Variants in TRPC1 observed in about 807,000 individuals in gnomAD.
The protein encoded by TRPC1 is transient receptor potential cation channel subfamily C member 1, also known as short transient receptor potential channel 1.
A neutral mutation model predicts 88.2 loss-of-function variants in TRPC1; 42 were observed. That is an observed-to-expected ratio of 0.48 (90% CI 0.37 to 0.62). The LOEUF (loss-of-function observed/expected upper bound fraction) is 0.62, where lower values mean the gene tolerates loss of function less well. TRPC1 is among the 20% of genes least tolerant of loss of function. The pLI is 0.00. For synonymous variants in TRPC1, 288 were observed against 331.8 expected (o/e 0.87, Z 1.43); for missense variants, 699 against 957.3 (o/e 0.73, Z 3.56).
At chr3:142,739,401 G>C (rs773493695) in intron 2 of TRPC1, among the ~76,000 whole-genome samples, 6 of 152,140 alleles carry the variant, frequency 3.9e-5, no homozygotes, top group Non-Finnish European at 7.4e-5. Context: ...CAGAATCTAT[G>C]GTCTTACCTA....
chr3:142,754,414 A>T (rs1263608509), intron 4 of TRPC1, among the ~76,000 whole-genome samples: 1 of 152,194 alleles, frequency 6.6e-6, no homozygotes, highest in Non-Finnish European at 1.5e-5. Flanking sequence ...ATTTGCATAA[A>T]GTATAATAAA....
intron 7 of TRPC1, among the ~76,000 whole-genome samples, chr3:142,789,567 C>T (rs1221461814): frequency 2.0e-5 from 3 of 152,128 alleles, no homozygotes; most frequent in East Asian, 1.9e-4. Context: ...ATTTTGCCTA[C>T]TGATAAGCCA....
intron 4 of TRPC1, among the ~76,000 whole-genome samples, chr3:142,761,152 C>T (rs772910551): frequency 1.3e-5 from 2 of 152,070 alleles, no homozygotes; most frequent in Non-Finnish European, 2.9e-5. Context: ...AAGTGGGCAT[C>T]ATCATCTTGT....
intron 4 of TRPC1, among the ~76,000 whole-genome samples, chr3:142,765,832 A>G (rs1381783533): frequency 6.6e-6 from 1 of 152,200 alleles, no homozygotes; most frequent in East Asian, 1.9e-4. Context: ...GCATCTGACA[A>G]AGACCTAATA....
At chr3:142,759,666 T>C (rs149930933) in intron 4 of TRPC1, among the ~76,000 whole-genome samples, 10,201 of 152,252 alleles carry the variant, frequency 0.067, 1,100 homozygotes, top group African/African-American at 0.23. Flanking sequence ...TTTCTTTTGC[T>C]GTGCAGAAGC....
At chr3:142,735,302 T>TA (rs2108018667) in intron 1 of TRPC1, among the ~76,000 whole-genome samples, 1 of 152,348 alleles carries the variant, frequency 6.6e-6, no homozygotes, top group African/African-American at 2.4e-5. Flanking sequence ...ACTCACTTAT[T>TA]TAGCCCAGTT....
At chr3:142,794,257 A>AT (rs1320200455) in intron 9 of TRPC1, among the ~76,000 whole-genome samples, 162 of 150,152 alleles carry the variant, frequency 1.1e-3, no homozygotes, top group African/African-American at 3.5e-3. Context: ...ATGCACATTG[A>AT]TTTTTTTTTA....
At chr3:142,796,077 C>G (rs1287817545) in intron 9 of TRPC1, among the ~76,000 whole-genome samples, 1 of 152,004 alleles carries the variant, frequency 6.6e-6, no homozygotes, top group Non-Finnish European at 1.5e-5. Context: ...TCATTTAATC[C>G]TCACAACCAT....
At chr3:142,805,361 A>G (rs1936764395) in intron 12 of TRPC1, among the ~76,000 whole-genome samples, 1 of 152,162 alleles carries the variant, frequency 6.6e-6, no homozygotes, top group Admixed American at 6.6e-5. Flanking sequence ...AAGTTATTCA[A>G]TACATCAATA....
intron 4 of TRPC1, among the ~76,000 whole-genome samples, chr3:142,768,967 G>T (rs935115572): frequency 6.6e-6 from 1 of 151,804 alleles, no homozygotes; most frequent in Non-Finnish European, 1.5e-5. Context: ...TTCATATATA[G>T]TCTTTTATAT....
chr3:142,792,832 T>C lies in TRPC1; in HGVS notation c.1446T>C (p.Asp482=). ...LKVVAHNKFH[D]FADRKDWDAF... Reference sequence around the variant, plus strand: ...TTTCTTCCTAACCTTAGTTTCATGATTTTGCTGATCGGAAGGATTGGGATG... The same window carrying C: ...TTTCTTCCTAACCTTAGTTTCATGACTTTGCTGATCGGAAGGATTGGGATG... The change falls in exon 9 of 13, where the codon GAT becomes GAC. Residue 482 remains aspartate (D), a synonymous_variant. Coordinates refer to ENST00000476941, the MANE Select transcript of TRPC1 (RefSeq NM_001251845.2). The surrounding 1 kb of genome is among the most constrained non-coding windows in gnomAD (Gnocchi z 4.0). The C allele has an allele frequency of 1.3e-6, 2 of 1,582,716 alleles. No individual in the cohort carries two copies.
chr3:142,765,528 T>C (rs1186526479), intron 4 of TRPC1, among the ~76,000 whole-genome samples: 1 of 151,998 alleles, frequency 6.6e-6, no homozygotes, highest in Admixed American at 6.6e-5. Flanking sequence ...ACCCCCACCA[T>C]GTGATCTTTG....
chr3:142,727,903 G>C (rs1220202764), intron 1 of TRPC1, among the ~76,000 whole-genome samples: 1 of 151,784 alleles, frequency 6.6e-6, no homozygotes, highest in African/African-American at 2.4e-5. Context: ...GTGTCCCTCA[G>C]GTCTGTTAAC....
At chr3:142,789,515 C>G (rs1388810880) in intron 7 of TRPC1, among the ~76,000 whole-genome samples, 1 of 152,064 alleles carries the variant, frequency 6.6e-6, no homozygotes, top group Non-Finnish European at 1.5e-5. Context: ...ATGTTTTGAA[C>G]AGAGATCTTC....
At chr3:142,791,738 G>A (rs1936301540) in intron 8 of TRPC1, among the ~76,000 whole-genome samples, 3 of 151,986 alleles carry the variant, frequency 2.0e-5, no homozygotes, top group Admixed American at 2.0e-4. Flanking sequence ...AATTGGTTAT[G>A]TAATATTTTA....
intron 2 of TRPC1, among the ~76,000 whole-genome samples, chr3:142,741,166 AG>A (rs1217204830): frequency 1.8e-5 from 2 of 110,728 alleles, no homozygotes. Flanking sequence ...AAGCAAAACT[AG>A]TGAGGATTTT....
At chr3:142,741,485 A>G (rs1934347603) in intron 2 of TRPC1, among the ~76,000 whole-genome samples, 1 of 152,210 alleles carries the variant, frequency 6.6e-6, no homozygotes, top group Admixed American at 6.5e-5. Context: ...AACTATTAAC[A>G]TGTTTGTCCT....
intron 1 of TRPC1, among the ~76,000 whole-genome samples, chr3:142,728,834 G>A (rs1345968577): frequency 2.0e-5 from 3 of 152,110 alleles, no homozygotes; most frequent in Non-Finnish European, 4.4e-5. Flanking sequence ...TTGAAGTCTG[G>A]TATTAGAGAG....
At chr3:142,784,336 G>A (rs962599491) in intron 6 of TRPC1, among the ~76,000 whole-genome samples, 5 of 133,406 alleles carry the variant, frequency 3.7e-5, no homozygotes, top group African/African-American at 2.1e-4. Flanking sequence ...CTTATAGAGT[G>A]CATGCTATGA....
Sources: allele counts gnomAD v4.1 joint callset (sites outside exome capture counted in the v4.1 genomes callset), GRCh38; gene constraint gnomAD v4.1.1; non-coding constraint Gnocchi (gnomAD v3.1); transcripts MANE v1.5; gene names NCBI Gene and HGNC (gene_info 2026-07-23, HGNC 2026-07-21).